Variants in FGD4 observed in about 807,000 individuals in gnomAD.
FGD4 encodes the protein FYVE, RhoGEF and PH domain containing 4.
A neutral mutation model predicts 102.0 loss-of-function variants in FGD4; 42 were observed. The observed-to-expected ratio is 0.41, with a 90% CI of 0.32 to 0.53. FGD4 has a LOEUF of 0.53. FGD4 is among the 20% of genes least tolerant of loss of function. The pLI, the probability that FGD4 is intolerant of heterozygous loss-of-function variation, is 0.21. For synonymous variants in FGD4, 380 were observed against 375.7 expected, an observed-to-expected ratio of 1.01 and a Z score of -0.13; for missense variants, 902 against 1,078.2, an observed-to-expected ratio of 0.84 and a Z score of 2.29.
intron 1 of FGD4, among the ~76,000 whole-genome samples, chr12:32,497,860 C>G (rs1937918012): frequency 6.6e-6 from 1 of 152,194 alleles, no homozygotes; most frequent in South Asian, 2.1e-4. Flanking sequence ...TTTTAATATG[C>G]TGTTTCCTTC....
At chr12:32,488,632 A>C (rs1388152086) in intron 1 of FGD4, among the ~76,000 whole-genome samples, 1 of 152,082 alleles carries the variant, frequency 6.6e-6, no homozygotes, top group Non-Finnish European at 1.5e-5. Flanking sequence ...TAAATCCCAG[A>C]TATATGTTAA....
intron 1 of FGD4, among the ~76,000 whole-genome samples, chr12:32,538,208 C>A (rs10844235): frequency 0.42 from 63,534 of 151,996 alleles, 14,189 homozygotes; most frequent in Admixed American, 0.57. Context: ...CATCATAGCA[C>A]TTTTACCATT....
chr12:32,422,143 CA>C (rs1273373298), intron 1 of FGD4, among the ~76,000 whole-genome samples: 9,564 of 113,172 alleles, frequency 0.085, 366 homozygotes, highest in Middle Eastern at 0.18. Context: ...GACTCTGTCT[CA>C]AAAAAAAAAA....
At chr12:32,416,989 T>C (rs898141869) in intron 1 of FGD4, among the ~76,000 whole-genome samples, 23 of 151,624 alleles carry the variant, frequency 1.5e-4, no homozygotes, top group African/African-American at 5.1e-4. Context: ...CTCCGCCTCC[T>C]GGGTTCAAGC....
chr12:32,627,604 G>C (rs764703789), intron 14 of FGD4, among the ~76,000 whole-genome samples: 9 of 152,126 alleles, frequency 5.9e-5, no homozygotes, highest in Non-Finnish European at 8.8e-5. Flanking sequence ...GCCTAGTAGA[G>C]AAACAAAGGT....
intron 1 of FGD4, among the ~76,000 whole-genome samples, chr12:32,428,051 A>T (rs1380170311): frequency 6.6e-6 from 1 of 152,136 alleles, no homozygotes; most frequent in African/African-American, 2.4e-5. Flanking sequence ...TGGGGCATTT[A>T]GCCTGTTTAC....
intron 1 of FGD4, among the ~76,000 whole-genome samples, chr12:32,452,340 T>A (rs1403855226): frequency 6.6e-6 from 1 of 152,224 alleles, no homozygotes; most frequent in African/African-American, 2.4e-5. Flanking sequence ...TCGTAATGAA[T>A]CTAGTGGTCA....
chr12:32,584,905 A>G (rs916871251), intron 4 of FGD4, among the ~76,000 whole-genome samples: 2 of 151,982 alleles, frequency 1.3e-5, no homozygotes, highest in Non-Finnish European at 2.9e-5. Context: ...GAGTGGGAAA[A>G]TGAAGGGATA....
chr12:32,628,495 A>G (rs539033162), intron 14 of FGD4, among the ~76,000 whole-genome samples: 4 of 152,164 alleles, frequency 2.6e-5, no homozygotes, highest in South Asian at 2.1e-4. Context: ...TGGCGACTGA[A>G]CTAGATTAAA....
chr12:32,561,069 G>GTTT (rs1565841408), intron 1 of FGD4, among the ~76,000 whole-genome samples: 2 of 91,998 alleles, frequency 2.2e-5, no homozygotes, highest in Non-Finnish European at 4.7e-5. Flanking sequence ...TTCTTTGTTG[G>GTTT]GTTTTGTTTT....
At chr12:32,511,118 A>T (rs1440923407) in intron 1 of FGD4, 5 of 152,228 alleles carry the variant, frequency 3.3e-5, no homozygotes, top group Non-Finnish European at 7.3e-5. Flanking sequence ...CCAGTTATGG[A>T]TGAGGGATAG....
chr12:32,528,318 A>G (rs967385753), intron 1 of FGD4, among the ~76,000 whole-genome samples: 3 of 152,160 alleles, frequency 2.0e-5, no homozygotes, highest in Non-Finnish European at 4.4e-5. Flanking sequence ...TCACCCTCAT[A>G]TCGAAATCTG....
chr12:32,619,649 GT>G (rs1185165268), intron 10 of FGD4, 48 bp from the exon 11 acceptor site: 8 of 1,605,538 alleles, frequency 5.0e-6, no homozygotes, highest in Non-Finnish European at 6.8e-6. Context: ...AACCTGATCA[GT>G]TTCCCCTATT....
At chr12:32,535,639 T>TA (rs11335178) in intron 1 of FGD4, among the ~76,000 whole-genome samples, 63 of 148,786 alleles carry the variant, frequency 4.2e-4, no homozygotes, top group Non-Finnish European at 7.3e-4. Flanking sequence ...AATATGAAAT[T>TA]AAAAAAAAAA....
chr12:32,527,548 G>C (rs1174362523), intron 1 of FGD4, among the ~76,000 whole-genome samples: 3 of 152,080 alleles, frequency 2.0e-5, no homozygotes, highest in Non-Finnish European at 4.4e-5. Flanking sequence ...CCCTGTTTCA[G>C]CCTCCCGAGT....
intron 4 of FGD4, among the ~76,000 whole-genome samples, chr12:32,583,551 C>A (rs1003626283): frequency 1.3e-5 from 2 of 152,036 alleles, no homozygotes; most frequent in African/African-American, 4.8e-5. Flanking sequence ...AATGAAGCAG[C>A]CATGGGTAAT....
chr12:32,592,076 AT>A (rs1947519364), intron 4 of FGD4, among the ~76,000 whole-genome samples: 1 of 151,804 alleles, frequency 6.6e-6, no homozygotes, highest in Admixed American at 6.6e-5. Flanking sequence ...AAAAATTAAT[AT>A]ATTTATTTAT....
At chr12:32,609,393 G>A (rs1948996168) in intron 8 of FGD4, among the ~76,000 whole-genome samples, 1 of 152,032 alleles carries the variant, frequency 6.6e-6, no homozygotes. Context: ...TAGTGGTGGG[G>A]GTGGAGGTGG....
intron 5 of FGD4, among the ~76,000 whole-genome samples, chr12:32,599,116 T>C (rs1948139394): frequency 6.6e-6 from 1 of 152,226 alleles, no homozygotes. Context: ...TGTGTGAATG[T>C]ACTTTATCAT....
Sources: allele counts gnomAD v4.1 joint callset (sites outside exome capture counted in the v4.1 genomes callset), GRCh38; gene constraint gnomAD v4.1.1; transcripts MANE v1.5; gene names NCBI Gene and HGNC (gene_info 2026-07-23, HGNC 2026-07-21).